The following STK17B variants were observed in gnomAD, a reference collection of about 807,000 sequenced individuals.
STK17B encodes the protein serine/threonine kinase 17b.
Under a neutral mutation model 42.0 loss-of-function variants are expected in STK17B, and 21 were observed. That is an observed-to-expected ratio of 0.50 (90% CI 0.35 to 0.72). The LOEUF (loss-of-function observed/expected upper bound fraction) is 0.72. Ranked by LOEUF, STK17B falls within the 30% of genes least tolerant of loss-of-function variation. The pLI is 0.00. For synonymous variants in STK17B, 143 were observed against 148.4 expected (o/e 0.96, Z 0.26); for missense variants, 349 against 446.0 (o/e 0.78, Z 1.96).
intron 4 of STK17B, among the ~76,000 whole-genome samples, chr2:196,144,105 G>T (rs1277747005): frequency 6.6e-6 from 1 of 151,764 alleles, no homozygotes; most frequent in Non-Finnish European, 1.5e-5. Flanking sequence ...CTGGAGGCAG[G>T]GGTGGGAGGA....
In STK17B at chr2:196,135,086, A is replaced by G. The variant is rs1699378008; in HGVS notation, c.*2361T>C. The G allele has an allele frequency of 6.6e-6, 1 of 152,224 alleles. No individual in the cohort carries two copies. The highest frequency in any genetic ancestry group is 1.5e-5 in the Non-Finnish European group (1 of 68,038). The allele number at this position is 152,224 out of a possible 1,614,324, so 9.4% of individuals were successfully genotyped here. ...TACAGCTCTGTATTCTACTACTTAA[A>G]GGTAGATGTAAAGTATTTTAAGATT... On this transcript the variant is annotated 3_prime_UTR_variant, in exon 8 of 8. Coordinates refer to ENST00000263955, the MANE Select transcript of STK17B (RefSeq NM_004226.4).
chr2:196,136,077 T>TA lies in STK17B; in HGVS notation c.*1369dup, dbSNP rs1699399770. The TA allele has an allele frequency of 6.6e-6, 1 of 152,196 alleles. No individual in the cohort carries two copies. The highest frequency in any genetic ancestry group is 2.4e-5 in the African/African-American group (1 of 41,460). The allele number at this position is 152,196 out of a possible 1,614,324, so 9.4% of individuals were successfully genotyped here. The stretch of plus-strand genomic sequence containing the variant: ...GAAACTTACCAAAATTTTGAGAAGT[T>TA]AAAGGTCTAAAGGGGGAACATCAGG... On this transcript the variant is annotated 3_prime_UTR_variant, in exon 8 of 8. Transcript: ENST00000263955.
intron 6 of STK17B, among the ~76,000 whole-genome samples, chr2:196,140,143 T>C (rs550102155): frequency 6.6e-6 from 1 of 152,348 alleles, no homozygotes; most frequent in South Asian, 2.1e-4. Flanking sequence ...ACTTGTGAGA[T>C]GTAAAGAGAG....
chr2:196,160,438 T>C (rs1275462345), intron 2 of STK17B, among the ~76,000 whole-genome samples: 1 of 152,212 alleles, frequency 6.6e-6, no homozygotes, highest in Non-Finnish European at 1.5e-5. Context: ...CTGTTAACTT[T>C]TACATAATTT....
chr2:196,159,010 CAAAAAAA>C (rs5837492), intron 2 of STK17B, among the ~76,000 whole-genome samples: 4 of 127,592 alleles, frequency 3.1e-5, no homozygotes, highest in Admixed American at 2.4e-4. Context: ...GACTGTGTCT[CAAAAAAA>C]AAAAAAACAA....
chr2:196,156,776 A>G, intron 2 of STK17B, 125 bp from the exon 3 acceptor site: 1 of 748,636 alleles, frequency 1.3e-6, no homozygotes, highest in Non-Finnish European at 2.2e-6. Flanking sequence ...TTAGGAATTT[A>G]TCTTTGTTCT....
chr2:196,172,761 A>G (rs1435042213), upstream of STK17B, among the ~76,000 whole-genome samples: 1 of 152,210 alleles, frequency 6.6e-6, no homozygotes, highest in Admixed American at 6.5e-5. Flanking sequence ...TATTGCTTCC[A>G]TCTATCTAAT....
upstream of STK17B, among the ~76,000 whole-genome samples, chr2:196,173,070 C>T (rs1559418949): frequency 6.6e-6 from 1 of 152,146 alleles, no homozygotes. Flanking sequence ...GCAATCTTCT[C>T]ACACTCACCC....
rs1486249918 is a variant in STK17B at position 196,144,515 on chromosome 2, A to G, written c.481-829T>C. 2.8e-4 allele frequency among the ~76,000 whole-genome samples: 35 copies of G among 123,040 alleles called. 1 individual carries two copies. Among genetic ancestry groups the G allele is most frequent in the Non-Finnish European group, 7.0e-5 (4 of 57,526 alleles). 80.7% of individuals were successfully genotyped at this position (123,040 alleles called of 152,430 possible). A position where few individuals can be genotyped will look rare whatever the true frequency, so the allele number is the denominator to read the frequency against. On this transcript the variant is annotated intron_variant, in intron 4 of 7. Coordinates refer to ENST00000263955, the MANE Select transcript of STK17B (RefSeq NM_004226.4). ...AAAAAAAAAAAAAAAAAAAAAAAAAAAAAAAAAAAAGAACAACAGAAAGGT... is the reference window on the plus strand; with the variant it reads ...AAAAAAAAAAAAAAAAAAAAAAAAAGAAAAAAAAAAGAACAACAGAAAGGT...
chr2:196,156,377 T>G (rs1021723550), intron 3 of STK17B, 62 bp downstream of exon 3: 2 of 1,309,812 alleles, frequency 1.5e-6, no homozygotes, highest in African/African-American at 3.0e-5. Flanking sequence ...TCATTCTTAT[T>G]CTTGACATTT....
intron 4 of STK17B, among the ~76,000 whole-genome samples, chr2:196,144,023 A>G (rs904715730): frequency 9.9e-5 from 2 of 20,230 alleles, no homozygotes; most frequent in African/African-American, 2.9e-4. Flanking sequence ...CTGAGACTTA[A>G]AAGAGTATGC....
chr2:196,143,000 T>C (rs1699514391), intron 5 of STK17B, among the ~76,000 whole-genome samples: 1 of 152,240 alleles, frequency 6.6e-6, no homozygotes, highest in Non-Finnish European at 1.5e-5. Flanking sequence ...GATTACCTAA[T>C]CAAAGGTTCT....
chr2:196,159,207 T>G (rs1348822982), intron 2 of STK17B, among the ~76,000 whole-genome samples: 1 of 152,016 alleles, frequency 6.6e-6, no homozygotes, highest in African/African-American at 2.4e-5. Flanking sequence ...AAAAAACAGT[T>G]TATAGTAGTG....
intron 4 of STK17B, among the ~76,000 whole-genome samples, chr2:196,145,622 G>C (rs17366359): frequency 0.089 from 13,542 of 152,270 alleles, 754 homozygotes; most frequent in Non-Finnish European, 0.12. Context: ...CCAGGATGTG[G>C]TTGTAAGAGT....
intron 7 of STK17B, among the ~76,000 whole-genome samples, chr2:196,139,352 G>A (rs1390793777): frequency 6.6e-6 from 1 of 152,116 alleles, no homozygotes; most frequent in Admixed American, 6.5e-5. Flanking sequence ...AATTATTTTA[G>A]GTAATTTCAG....
intron 2 of STK17B, among the ~76,000 whole-genome samples, chr2:196,158,757 A>C (rs62186700): frequency 2.6e-5 from 4 of 151,630 alleles, no homozygotes; most frequent in African/African-American, 9.7e-5. Flanking sequence ...CATGCCTGTA[A>C]TACCAGCACT....
At chr2:196,176,213 T>G (rs1699995780), upstream of STK17B, 1 of 152,214 alleles carries the variant, frequency 6.6e-6, no homozygotes, top group Non-Finnish European at 1.5e-5. Context: ...GTTTCATCTG[T>G]CAGCTCTCTT....
intron 1 of STK17B, among the ~76,000 whole-genome samples, chr2:196,170,671 T>G (rs1699928225): frequency 6.6e-6 from 1 of 152,150 alleles, no homozygotes; most frequent in Non-Finnish European, 1.5e-5. Context: ...AGTGGTATAG[T>G]TTGAGGATGA....
chr2:196,172,458 G>C (rs534616839), upstream of STK17B, among the ~76,000 whole-genome samples: 1 of 152,288 alleles, frequency 6.6e-6, no homozygotes, highest in East Asian at 1.9e-4. Context: ...GGACATTTAC[G>C]ATAATTGCAG....
Sources: allele counts gnomAD v4.1 joint callset (sites outside exome capture counted in the v4.1 genomes callset), GRCh38; gene constraint gnomAD v4.1.1; transcripts MANE v1.5; gene names NCBI Gene and HGNC (gene_info 2026-07-23, HGNC 2026-07-21).